Variants in NUP62CL observed in about 807,000 individuals in gnomAD.
NUP62CL encodes nucleoporin-62 C-terminal-like protein.
Under a neutral mutation model 15.3 loss-of-function variants are expected in NUP62CL, and 13 were observed. The ratio of observed to expected loss-of-function variants is 0.85; its 90% CI spans 0.55 to 1.35. The LOEUF (loss-of-function observed/expected upper bound fraction) is 1.35, where lower values mean the gene tolerates loss of function less well. Among genes scored for constraint, NUP62CL ranks in the 40% most tolerant of loss-of-function variants. The probability of loss-of-function intolerance (pLI) is 0.00; values close to 1 mark genes in which losing one functional copy is unlikely to be tolerated. For missense variants in NUP62CL, 123 were observed against 130.6 expected, an observed-to-expected ratio of 0.94 and a Z score of 0.28; for synonymous variants, 54 against 49.2, an observed-to-expected ratio of 1.10 and a Z score of -0.41.
chrX:107,199,298 T>C lies in NUP62CL; in HGVS notation c.-91-6226A>G, dbSNP rs1041361486. On this transcript the variant is annotated intron_variant, in intron 1 of 8. Coordinates refer to ENST00000372466, the MANE Select transcript of NUP62CL (RefSeq NM_017681.3). Reference sequence around the variant, plus strand: ...TAGTAAGTGAAGGAACCGGACACTATTCTTCTATTTTAATACTAGCTTAAG... The same window carrying C: ...TAGTAAGTGAAGGAACCGGACACTACTCTTCTATTTTAATACTAGCTTAAG... 2.7e-5 allele frequency among the ~76,000 whole-genome samples: 3 copies of C among 112,002 alleles called. No individual in the cohort carries two copies. The Admixed American group carries it at 2.8e-4, about 11-fold the overall frequency.
rs111493160 is a variant in NUP62CL, at chrX:107,124,215, C to T, written c.*160G>A. On this transcript the variant is annotated 3_prime_UTR_variant, in exon 9 of 9. Transcript: ENST00000372466. ...GAATTTGTAGGTAATAATCCAGAAACGACATGCTGAAGATATGGTCATTCA... is the reference window on the plus strand; with the variant it reads ...GAATTTGTAGGTAATAATCCAGAAATGACATGCTGAAGATATGGTCATTCA... The T allele has an allele frequency of 1.8e-5, 6 of 331,974 alleles. No individual in the cohort carries two copies. The highest frequency in any genetic ancestry group is 8.0e-5 in the African/African-American group (3 of 37,346). The allele number at this position is 331,974 out of a possible 1,213,427, so 27.4% of individuals were successfully genotyped here. A position where few individuals can be genotyped will look rare whatever the true frequency, so the allele number is the denominator to read the frequency against.
Position 107,147,766 on chromosome X carries a change from A to T in NUP62CL, c.*19T>A. On this transcript the variant is annotated 3_prime_UTR_variant, in exon 8 of 9. Transcript: ENST00000372466. The stretch of plus-strand genomic sequence containing the variant: ...ACCTGAATTCCGATCAATCCACTGC[A>T]GGGAGTCCATATGGGCATTCAGAAT... 1 of 1,189,084 alleles carries T rather than the reference A, an allele frequency of 8.4e-7. No homozygotes were observed. Among genetic ancestry groups the T allele is most frequent in the African/African-American group, 1.7e-5 (1 of 57,328 alleles).
At chrX:107,158,856 G>A (rs1926284348) in intron 4 of NUP62CL, among the ~76,000 whole-genome samples, 2 of 71,383 alleles carry the variant, frequency 2.8e-5, no homozygotes, top group African/African-American at 2.1e-4. Flanking sequence ...TTTTTTGAAA[G>A]GATCAACAAA....
intron 8 of NUP62CL, among the ~76,000 whole-genome samples, chrX:107,130,779 A>G (rs1320719176): frequency 8.9e-6 from 1 of 112,107 alleles, no homozygotes; most frequent in Non-Finnish European, 1.9e-5. Flanking sequence ...ATAAGACTCA[A>G]AGGAAAATAA....
intron 3 of NUP62CL, among the ~76,000 whole-genome samples, chrX:107,169,155 A>G (rs1395429645): frequency 8.9e-6 from 1 of 111,957 alleles, no homozygotes; most frequent in African/African-American, 3.2e-5. Context: ...AAATATTTCC[A>G]AAAGTATAGA....
chrX:107,206,070 G>C (rs1198009409), intron 1 of NUP62CL, among the ~76,000 whole-genome samples: 4 of 110,513 alleles, frequency 3.6e-5, no homozygotes, highest in African/African-American at 1.3e-4. Flanking sequence ...TCTGTCGCGT[G>C]GGGGAGACGT....
Position 107,154,133 on chromosome X carries a change from T to C in NUP62CL, c.308A>G (p.Asn103Ser). ...CTCAATCAATGTATGGTCCCAAGCA[T>C]TGACCTGAGTGGCCTGGAGAAGAAA... ...KYFLLQATQV[N>S]AWDHTLIENG... The change falls in exon 5 of 9, where the codon AAT becomes AGT. Residue 103 changes from asparagine (N) to serine (S), a missense_variant. Coordinates refer to ENST00000372466, the MANE Select transcript of NUP62CL (RefSeq NM_017681.3). 8.3e-7 allele frequency: 1 copy of C among 1,208,438 alleles called. No homozygotes were observed. Among genetic ancestry groups the C allele is most frequent in the Non-Finnish European group, 1.1e-6 (1 of 893,536 alleles).
intron 8 of NUP62CL, among the ~76,000 whole-genome samples, chrX:107,133,186 G>A (rs1439613336): frequency 9.0e-6 from 1 of 111,306 alleles, no homozygotes; most frequent in Non-Finnish European, 1.9e-5. Context: ...AATAGTGGGT[G>A]AAGTCCCTCT....
chrX:107,184,310 AGAAAG>A (rs1926994337), intron 2 of NUP62CL, among the ~76,000 whole-genome samples: 1 of 56,681 alleles, frequency 1.8e-5, no homozygotes, highest in Non-Finnish European at 2.9e-5. Flanking sequence ...AAAGAAAGAA[AGAAAG>A]AAAGAAAGAA....
chrX:107,137,503 C>CA (rs1227762088), intron 8 of NUP62CL, among the ~76,000 whole-genome samples: 2 of 111,487 alleles, frequency 1.8e-5, no homozygotes, highest in Admixed American at 9.5e-5. Flanking sequence ...GGAATCCACA[C>CA]AAAAAAACCG....
At chrX:107,174,659 T>C (rs910436873) in intron 3 of NUP62CL, among the ~76,000 whole-genome samples, 2 of 111,474 alleles carry the variant, frequency 1.8e-5, no homozygotes, top group Non-Finnish European at 1.9e-5. Context: ...CCACTTCTGA[T>C]AGGTAAAATG....
At chrX:107,147,605 T>TTTCAG in intron 8 of NUP62CL, 138 bp downstream of exon 8, 1 of 400,064 alleles carries the variant, frequency 2.5e-6, no homozygotes. Context: ...TTTTCAGAAC[T>TTTCAG]ATAATACACA....
chrX:107,189,891 AAG>A (rs1395774996), intron 2 of NUP62CL, among the ~76,000 whole-genome samples: 9 of 91,790 alleles, frequency 9.8e-5, no homozygotes, highest in East Asian at 3.5e-4. Context: ...GAAAGAAAGA[AAG>A]AAAGAAAGAA....
At chrX:107,164,973 T>G (rs1452371696) in intron 4 of NUP62CL, among the ~76,000 whole-genome samples, 1 of 111,239 alleles carries the variant, frequency 9.0e-6, no homozygotes, top group Non-Finnish European at 1.9e-5. Flanking sequence ...TGGTGGCGGG[T>G]GCCTGCAGTC....
chrX:107,198,217 C>T (rs937458735), intron 1 of NUP62CL, among the ~76,000 whole-genome samples: 1 of 112,100 alleles, frequency 8.9e-6, no homozygotes, highest in Admixed American at 9.4e-5. Flanking sequence ...TAAAAACACA[C>T]CAATCAGCGC....
chrX:107,178,256 G>A (rs1926831887), intron 2 of NUP62CL, among the ~76,000 whole-genome samples: 1 of 111,652 alleles, frequency 9.0e-6, no homozygotes, highest in Non-Finnish European at 1.9e-5. Flanking sequence ...ATTCTAATAC[G>A]GCCTGTTGTA....
At chrX:107,180,704 C>G (rs769700645) in intron 2 of NUP62CL, among the ~76,000 whole-genome samples, 4 of 110,842 alleles carry the variant, frequency 3.6e-5, no homozygotes, top group Admixed American at 1.9e-4. Context: ...TACGCAATTA[C>G]AGTGGTTAAC....
Position 107,147,739 on chromosome X carries a change from C to G in NUP62CL, c.*42+4G>C. On this transcript the variant is annotated splice_donor_region_variant and intron_variant, in intron 8 of 8. Transcript: ENST00000372466. ...CACAGAGTGGCATACAAGCAAACTC[C>G]CACCTGAATTCCGATCAATCCACTG... The G allele has an allele frequency of 8.9e-7, 1 of 1,122,465 alleles. No homozygotes were observed. Among genetic ancestry groups the G allele is most frequent in the Non-Finnish European group, 1.2e-6 (1 of 814,965 alleles). 92.5% of individuals were successfully genotyped at this position (1,122,465 alleles called of 1,213,427 possible). A position where few individuals can be genotyped will look rare whatever the true frequency, so the allele number is the denominator to read the frequency against.
chrX:107,189,916 AG>A (rs1927190446), intron 2 of NUP62CL, among the ~76,000 whole-genome samples: 2 of 106,266 alleles, frequency 1.9e-5, no homozygotes, highest in African/African-American at 7.0e-5. Flanking sequence ...AAAGAAAGAA[AG>A]AAAGAAAGAA....
Sources: allele counts gnomAD v4.1 joint callset (sites outside exome capture counted in the v4.1 genomes callset), GRCh38; gene constraint gnomAD v4.1.1; transcripts MANE v1.5; gene names NCBI Gene and HGNC (gene_info 2026-07-23, HGNC 2026-07-21).